PRKN: variants seen among roughly 807,000 people sequenced by gnomAD.
PRKN encodes the protein E3 ubiquitin-protein ligase parkin.
In PRKN, 56 loss-of-function variants were observed where a neutral mutation model predicts 59.5. The ratio of observed to expected loss-of-function variants is 0.94; its 90% CI spans 0.76 to 1.18. The LOEUF (loss-of-function observed/expected upper bound fraction) is 1.18. PRKN is among the 50% of genes most tolerant of loss of function. The pLI, the probability that PRKN is intolerant of heterozygous loss-of-function variation, is 0.00. For synonymous variants in PRKN, 250 were observed against 222.1 expected, an observed-to-expected ratio of 1.13 and a Z score of -1.12; for missense variants, 657 against 596.4, an observed-to-expected ratio of 1.10 and a Z score of -1.06.
At chr6:162,496,590 A>C (rs1793072742) in intron 1 of PRKN, among the ~76,000 whole-genome samples, 1 of 152,186 alleles carries the variant, frequency 6.6e-6, no homozygotes, top group South Asian at 2.1e-4. Context: ...CTCTCTCCTT[A>C]AACACATACA....
At chr6:161,449,535 A>C (rs1789634021) in intron 9 of PRKN, among the ~76,000 whole-genome samples, 1 of 152,190 alleles carries the variant, frequency 6.6e-6, no homozygotes, top group Admixed American at 6.5e-5. Flanking sequence ...CTCTCTTTTC[A>C]TGTTCATATT....
chr6:161,877,439 G>A (rs540760782), intron 6 of PRKN, among the ~76,000 whole-genome samples: 2 of 151,704 alleles, frequency 1.3e-5, no homozygotes, highest in East Asian at 3.9e-4. Context: ...GGCTGATAAT[G>A]CAAATATGGA....
intron 7 of PRKN, among the ~76,000 whole-genome samples, chr6:161,627,400 C>T (rs962938198): frequency 1.3e-5 from 2 of 152,244 alleles, no homozygotes; most frequent in Non-Finnish European, 2.9e-5. Context: ...ACACACATCA[C>T]TGTGTCATGT....
Position 161,551,978 on chromosome 6 carries a change from C to G in PRKN, c.934-2975G>C, listed in dbSNP as rs1404603559. Among the ~76,000 whole-genome samples, 1 of 151,932 alleles carries G rather than the reference C, an allele frequency of 6.6e-6. No individual in the cohort carries two copies. The highest frequency in any genetic ancestry group is 1.5e-5 in the Non-Finnish European group (1 of 68,004). On this transcript the variant is annotated intron_variant, in intron 8 of 11. Coordinates refer to ENST00000366898, the MANE Select transcript of PRKN (RefSeq NM_004562.3). The surrounding 1 kb of genome is among the most constrained non-coding windows in gnomAD (Gnocchi z 5.2). ...GAGGAGGCCCGGCTGAGTGCTTAGG[C>G]CCAGGTGCAGACAGGCAGAGGGGTA...
intron 9 of PRKN, among the ~76,000 whole-genome samples, chr6:161,532,224 T>G (rs1256748798): frequency 6.6e-6 from 1 of 151,482 alleles, no homozygotes; most frequent in Non-Finnish European, 1.5e-5. Flanking sequence ...TACAAGATGC[T>G]TCTTGCAGAA....
At chr6:162,045,027 A>T (rs7766377) in intron 5 of PRKN, among the ~76,000 whole-genome samples, 2 of 151,962 alleles carry the variant, frequency 1.3e-5, no homozygotes, top group Admixed American at 6.5e-5. Context: ...TTCCCAAACT[A>T]TGAAAGCAGT....
At chr6:162,349,990 G>C (rs1269556645) in intron 2 of PRKN, among the ~76,000 whole-genome samples, 1 of 152,140 alleles carries the variant, frequency 6.6e-6, no homozygotes, top group Non-Finnish European at 1.5e-5. Flanking sequence ...TACTAAGTGA[G>C]TTTAGCCAAG....
rs1780632188 is a variant in PRKN, at chr6:161,566,075, G to C, written c.933+3280C>G. On this transcript the variant is annotated intron_variant, in intron 8 of 11. Coordinates refer to ENST00000366898, the MANE Select transcript of PRKN (RefSeq NM_004562.3). The surrounding 1 kb of genome is among the most constrained non-coding windows in gnomAD (Gnocchi z 4.1). ...GACATGCTGCAATTTTTCCCATTAA[G>C]AAGGTCATTTTCTTATCTCCATCCC... is the stretch of plus-strand genomic sequence containing the variant. Among the ~76,000 whole-genome samples, 3 of 152,164 alleles carry C rather than the reference G, an allele frequency of 2.0e-5. No homozygotes were observed.
intron 9 of PRKN, among the ~76,000 whole-genome samples, chr6:161,543,299 C>T (rs563961527): frequency 1.6e-3 from 249 of 152,306 alleles, no homozygotes; most frequent in Non-Finnish European, 2.6e-3. Context: ...AACATATACA[C>T]GTTTCTTTGC....
At chr6:162,082,275 G>A (rs1300393065) in intron 4 of PRKN, among the ~76,000 whole-genome samples, 1 of 152,064 alleles carries the variant, frequency 6.6e-6, no homozygotes, top group African/African-American at 2.4e-5. Context: ...CATGTGAGAT[G>A]TGCCTTCACC....
At chr6:161,431,053 TG>T (rs1788623880) in intron 9 of PRKN, among the ~76,000 whole-genome samples, 1 of 149,736 alleles carries the variant, frequency 6.7e-6, no homozygotes, top group Admixed American at 6.7e-5. Flanking sequence ...ACAGGAGAAT[TG>T]CTTGAACCTG....
rs1430188362 is a variant in PRKN at position 161,502,615 on chromosome 6, A to G, written c.1083+46239T>C. ...TAAGAGTATCCTGAAGGAGGGGACC[A>G]GTAACAAGCAGGGAAGAGAGAAATG... On this transcript the variant is annotated intron_variant, in intron 9 of 11. Transcript: ENST00000366898. The surrounding 1 kb of genome is among the most constrained non-coding windows in gnomAD (Gnocchi z 4.0). Among the ~76,000 whole-genome samples, 1 of 152,192 alleles carries G rather than the reference A, an allele frequency of 6.6e-6. No individual in the cohort carries two copies. Among genetic ancestry groups the G allele is most frequent in the Non-Finnish European group, 1.5e-5 (1 of 68,034 alleles).
intron 7 of PRKN, among the ~76,000 whole-genome samples, chr6:161,577,727 TATTAAA>T (rs1332046809): frequency 6.6e-6 from 1 of 152,202 alleles, no homozygotes; most frequent in African/African-American, 2.4e-5. Context: ...TCATAATTTA[TATTAAA>T]ATTGATGCAG....
At chr6:162,077,875 C>G (rs1325130421) in intron 4 of PRKN, among the ~76,000 whole-genome samples, 1 of 151,520 alleles carries the variant, frequency 6.6e-6, no homozygotes, top group Non-Finnish European at 1.5e-5. Flanking sequence ...TGACATTTGC[C>G]TGTAATCCCA....
chr6:162,383,807 G>A (rs912221959), intron 2 of PRKN, among the ~76,000 whole-genome samples: 1 of 152,132 alleles, frequency 6.6e-6, no homozygotes. Flanking sequence ...CACCTTCATC[G>A]ATGATCATAA....
intron 7 of PRKN, among the ~76,000 whole-genome samples, chr6:161,701,726 C>T (rs1471655277): frequency 3.3e-5 from 5 of 152,148 alleles, no homozygotes; most frequent in African/African-American, 4.8e-5. Context: ...TATGATGCTA[C>T]ATGGTTGTTG....
rs554819351 is a variant in PRKN, at chr6:162,179,364, T to C, written c.534+21767A>G. Among the ~76,000 whole-genome samples the C allele has an allele frequency of 2.6e-5, 4 of 152,312 alleles. No individual in the cohort carries two copies. The East Asian group carries it at 5.8e-4, about 22-fold the overall frequency. On this transcript the variant is annotated intron_variant, in intron 4 of 11. Transcript: ENST00000366898. ...ACCTGAGGGGACGGTCCAGCATCTC[T>C]GTGCCATGGCAGATGGACTGCCGGG...
At chr6:161,878,381 C>T (rs1049967302) in intron 6 of PRKN, among the ~76,000 whole-genome samples, 3 of 152,032 alleles carry the variant, frequency 2.0e-5, no homozygotes, top group Non-Finnish European at 4.4e-5. Flanking sequence ...CCCCAGAAAC[C>T]TTTCTTAGTG....
rs1261655972 is a variant in PRKN at position 161,667,464 on chromosome 6, G to A, written c.872-98048C>T. ...TCCAGCCCACAGGTCAATCTCCTGCGATGCTTTCTCCACCCCTTCACGCAG... is the reference window on the plus strand; with the variant it reads ...TCCAGCCCACAGGTCAATCTCCTGCAATGCTTTCTCCACCCCTTCACGCAG... On this transcript the variant is annotated intron_variant, in intron 7 of 11. Transcript: ENST00000366898. 2.0e-5 allele frequency among the ~76,000 whole-genome samples: 3 copies of A among 152,158 alleles called. 1 individual carries two copies. The highest frequency in any genetic ancestry group is 4.1e-4 in the South Asian group (2 of 4,830).
Sources: allele counts gnomAD v4.1 joint callset (sites outside exome capture counted in the v4.1 genomes callset), GRCh38; gene constraint gnomAD v4.1.1; non-coding constraint Gnocchi (gnomAD v3.1); transcripts MANE v1.5; gene names NCBI Gene and HGNC (gene_info 2026-07-23, HGNC 2026-07-21).